The following HSP90AB1 variants were observed in gnomAD, a reference collection of about 807,000 sequenced individuals.
The protein encoded by HSP90AB1 is heat shock protein 90 alpha family class B member 1.
Under a neutral mutation model 67.8 loss-of-function variants are expected in HSP90AB1, and 17 were observed. The ratio of observed to expected loss-of-function variants is 0.25; its 90% confidence interval spans 0.17 to 0.38. HSP90AB1 has a LOEUF of 0.38. Among genes scored for constraint, HSP90AB1 ranks in the 10% least tolerant of loss-of-function variants. The probability of loss-of-function intolerance (pLI) is 1.00; values close to 1 mark genes in which losing one functional copy is unlikely to be tolerated. For missense variants in HSP90AB1, 690 were observed against 899.9 expected, an observed-to-expected ratio of 0.77 and a Z score of 2.98; for synonymous variants, 390 against 312.9, an observed-to-expected ratio of 1.25 and a Z score of -2.60.
intron 6 of HSP90AB1, among the ~76,000 whole-genome samples, 187 bp from the exon 7 acceptor site, chr6:44,250,861 T>C (rs937558635): frequency 6.6e-6 from 1 of 152,220 alleles, no homozygotes; most frequent in African/African-American, 2.4e-5. Context: ...GGGACTGTTT[T>C]CTACATACAG....
At chr6:44,247,911 C>T (rs902596741) in intron 1 of HSP90AB1, 1 of 152,244 alleles carries the variant, frequency 6.6e-6, no homozygotes, top group Non-Finnish European at 1.5e-5. Flanking sequence ...GGCGCCCCCT[C>T]CTCGCGTGGT....
At chr6:44,251,379 C>T (rs1780625256) in intron 7 of HSP90AB1, 39 bp from the exon 8 acceptor site, 1 of 1,579,608 alleles carries the variant, frequency 6.3e-7, no homozygotes, top group African/African-American at 1.4e-5. Flanking sequence ...TCTGGTCTAG[C>T]TGTTTTTTAC....
chr6:44,249,337 C>G, intron 2 of HSP90AB1, 40 bp from the exon 3 acceptor site: 1 of 1,532,056 alleles, frequency 6.5e-7, no homozygotes, highest in African/African-American at 1.4e-5. Flanking sequence ...AAGAGTCTGT[C>G]TTGGAAAGAG....
At chr6:44,251,713 T>C in intron 8 of HSP90AB1, 24 bp from the exon 9 acceptor site, 2 of 1,607,814 alleles carry the variant, frequency 1.2e-6, no homozygotes, top group Non-Finnish European at 1.7e-6. Flanking sequence ...AGCTGGATTG[T>C]TTTTCCTCTT....
At position 44,253,689 on chromosome 6, in the gene HSP90AB1, T is replaced by A; in HGVS notation, c.*91T>A. On this transcript the variant is annotated 3_prime_UTR_variant, in exon 12 of 12. Transcript: ENST00000371646. ...CTCGAGTGCCCCTGTCCCACCTGGC[T>A]CCCCCTGCTGGTGTCTAGTGTTTTT... The A allele has an allele frequency of 2.2e-6, 2 of 927,264 alleles. No individual in the cohort carries two copies. The highest frequency in any genetic ancestry group is 3.6e-6 in the Non-Finnish European group (2 of 552,472). The allele number at this position is 927,264 out of a possible 1,614,324, so 57.4% of individuals were successfully genotyped here.
chr6:44,247,073 A>G (rs1326640269), upstream of HSP90AB1: 1 of 152,162 alleles, frequency 6.6e-6, no homozygotes, highest in Non-Finnish European at 1.5e-5. Context: ...TTCGCCTTAT[A>G]TAGGGCGACT....
At chr6:44,252,388 C>G in intron 10 of HSP90AB1, 121 bp downstream of exon 10, 1 of 853,480 alleles carries the variant, frequency 1.2e-6, no homozygotes, top group Non-Finnish European at 1.8e-6. Context: ...GCCTTCTTGC[C>G]TCTTGTTCTC....
intron 1 of HSP90AB1, chr6:44,247,915 G>T (rs1359216657): frequency 6.6e-6 from 1 of 152,252 alleles, no homozygotes; most frequent in African/African-American, 2.4e-5. Context: ...CCCCCTCCTC[G>T]CGTGGTCCTG....
In HSP90AB1 at chr6:44,250,145, C is replaced by A; in HGVS notation, c.639C>A (p.Ile213=). The A allele has an allele frequency of 1.2e-6, 2 of 1,614,190 alleles. No individual in the cohort carries two copies. Among genetic ancestry groups the A allele is most frequent in the South Asian group, 2.2e-5 (2 of 91,088 alleles). ...ATTCTCAGTTCATAGGCTATCCCATCACCCTTTATGTGAGTATGGACTTTT... is the reference window on the plus strand; with the variant it reads ...ATTCTCAGTTCATAGGCTATCCCATAACCCTTTATGTGAGTATGGACTTTT... The part of the protein sequence containing the change: ...KKHSQFIGYP[I]TLYLEKEREK... The change falls in exon 5 of 12, where the codon ATC becomes ATA. Residue 213 remains isoleucine (I), a synonymous_variant. Transcript: ENST00000371646.
In HSP90AB1 at chr6:44,253,308, T is replaced by G. The variant is rs200729633; in HGVS notation, c.1995T>G (p.Ser665=). The change falls in exon 11 of 12, where the codon TCT becomes TCG. Residue 665 remains serine, a synonymous_variant. Transcript: ENST00000371646. ...TGCTGTTTGAAACCGCCCTGCTATC[T>G]TCTGGCTTTTCCCTTGAGGATCCCC... ...VVLLFETALL[S]SGFSLEDPQT... 6.2e-7 allele frequency: 1 copy of G among 1,614,138 alleles called. No individual in the cohort carries two copies. The highest frequency in any genetic ancestry group is 8.5e-7 in the Non-Finnish European group (1 of 1,180,044).
rs201935939 is a variant in HSP90AB1, at chr6:44,248,796, C to T, written c.147+20C>T. 3.7e-3 allele frequency: 5,697 copies of T among 1,547,546 alleles called. 10 individuals carry two copies. Among genetic ancestry groups the T allele is most frequent in the Non-Finnish European group, 4.8e-3 (5,508 of 1,157,536 alleles). On this transcript the variant is annotated intron_variant, in intron 2 of 11. Coordinates refer to ENST00000371646, the MANE Select transcript of HSP90AB1 (RefSeq NM_007355.4). The stretch of plus-strand genomic sequence containing the variant: ...TCTGATGTAGGTGCTCTGGTTTCCA[C>T]ATTTGGCATGGTTTTTTTTTTTGAT...
chr6:44,246,426 G>T (rs1380645860), upstream of HSP90AB1: 6 of 152,416 alleles, frequency 3.9e-5, no homozygotes, highest in African/African-American at 1.4e-4. Flanking sequence ...GCGGGGAGGG[G>T]GCGGGACCGC....
rs1472342294 is a variant in HSP90AB1 at position 44,253,305 on chromosome 6, A to G, written c.1992A>G (p.Leu664=). 3.1e-6 allele frequency: 5 copies of G among 1,614,220 alleles called. No individual in the cohort carries two copies. Among genetic ancestry groups the G allele is most frequent in the African/African-American group, 2.7e-5 (2 of 75,052 alleles). Reference sequence around the variant, plus strand: ...TGCTGCTGTTTGAAACCGCCCTGCTATCTTCTGGCTTTTCCCTTGAGGATC... The same window carrying G: ...TGCTGCTGTTTGAAACCGCCCTGCTGTCTTCTGGCTTTTCCCTTGAGGATC... ...LVVLLFETAL[L]SSGFSLEDPQ... The change falls in exon 11 of 12, where the codon CTA becomes CTG. Residue 664 remains leucine (L), a synonymous_variant. Transcript: ENST00000371646.
At chr6:44,246,707 C>G (rs1185280751), upstream of HSP90AB1, among the ~76,000 whole-genome samples, 1 of 152,084 alleles carries the variant, frequency 6.6e-6, no homozygotes, top group Non-Finnish European at 1.5e-5. Context: ...AGCGGTGGTC[C>G]GCGTGGTTAG....
intron 8 of HSP90AB1, 23 bp from the exon 9 acceptor site, chr6:44,251,714 T>G: frequency 1.2e-6 from 2 of 1,608,080 alleles, no homozygotes; most frequent in Non-Finnish European, 1.7e-6. Flanking sequence ...GCTGGATTGT[T>G]TTTCCTCTTC....
chr6:44,253,224 G>A lies in HSP90AB1; in HGVS notation c.1911G>A (p.Thr637=), dbSNP rs1411250095. Residue 637 remains threonine, a synonymous_variant, in exon 11 of 12, where the codon ACG becomes ACA. Coordinates refer to ENST00000371646, the MANE Select transcript of HSP90AB1 (RefSeq NM_007355.4). ...ACCCTGACCACCCCATTGTGGAGAC[G>A]CTGCGGCAGAAGGCTGAGGCCGACA... is the stretch of plus-strand genomic sequence containing the variant. ...EINPDHPIVE[T]LRQKAEADKN... 6 of 1,614,096 alleles carry A rather than the reference G, an allele frequency of 3.7e-6. No individual in the cohort carries two copies. The highest frequency in any genetic ancestry group is 5.1e-6 in the Non-Finnish European group (6 of 1,180,040).
rs921928583 is a variant in HSP90AB1, at chr6:44,247,155, C to G, written c.-41C>G. On this transcript the variant is annotated 5_prime_UTR_variant, in exon 1 of 12. Coordinates refer to ENST00000371646, the MANE Select transcript of HSP90AB1 (RefSeq NM_007355.4). Reference sequence around the variant, plus strand: ...ACTGTCTGGGTATCGGAAAGCAAGCCTACGTTGCTCACTATTACGTATAAT... The same window carrying G: ...ACTGTCTGGGTATCGGAAAGCAAGCGTACGTTGCTCACTATTACGTATAAT... The G allele has an allele frequency of 6.6e-6, 1 of 152,256 alleles. No homozygotes were observed. The highest frequency in any genetic ancestry group is 2.4e-5 in the African/African-American group (1 of 41,450). The allele number at this position is 152,256 out of a possible 1,614,324, so 9.4% of individuals were successfully genotyped here.
chr6:44,247,457 C>T (rs1054875228), intron 1 of HSP90AB1, among the ~76,000 whole-genome samples: 2 of 151,936 alleles, frequency 1.3e-5, no homozygotes, highest in African/African-American at 2.4e-5. Flanking sequence ...GGGCAGTGGG[C>T]GGCTGGCAGC....
intron 4 of HSP90AB1, 75 bp from the exon 5 acceptor site, chr6:44,249,946 C>T (rs1780432506): frequency 1.3e-6 from 2 of 1,589,786 alleles, no homozygotes; most frequent in Non-Finnish European, 1.7e-6. Context: ...AGCAGTTCTG[C>T]TGATACTTAC....
Sources: gnomAD v4.1 joint callset for allele counts (sites outside exome capture counted in the v4.1 genomes callset) on GRCh38, gnomAD v4.1.1 for gene constraint, MANE v1.5 for transcripts, NCBI Gene and HGNC (gene_info 2026-07-23, HGNC 2026-07-21) for gene names.